PRKCH: variants seen among roughly 807,000 people sequenced by gnomAD.
PRKCH encodes the protein protein kinase C eta type.
Under a neutral mutation model 82.5 loss-of-function variants are expected in PRKCH, and 28 were observed. The ratio of observed to expected loss-of-function variants is 0.34; its 90% CI spans 0.25 to 0.47. The LOEUF (loss-of-function observed/expected upper bound fraction) is 0.47, where lower values mean the gene tolerates loss of function less well. Among genes scored for constraint, PRKCH ranks in the 20% least tolerant of loss-of-function variants. PRKCH has a pLI of 1.00. For synonymous variants in PRKCH, 322 were observed against 327.4 expected, an observed-to-expected ratio of 0.98 and a Z score of 0.18; for missense variants, 705 against 881.8, an observed-to-expected ratio of 0.80 and a Z score of 2.54.
At chr14:61,361,705 A>G (rs1306470677) in intron 1 of PRKCH, among the ~76,000 whole-genome samples, 1 of 152,230 alleles carries the variant, frequency 6.6e-6, no homozygotes, top group Non-Finnish European at 1.5e-5. Flanking sequence ...CTTAACCAGT[A>G]AAATGGGAAT....
chr14:61,256,543 A>G (rs1310945472), intron 1 of PRKCH, among the ~76,000 whole-genome samples: 1 of 152,158 alleles, frequency 6.6e-6, no homozygotes, highest in Admixed American at 6.5e-5. Context: ...GGTTAGTAGA[A>G]ATTATACTTT....
intron 2 of PRKCH, among the ~76,000 whole-genome samples, chr14:61,414,171 C>T (rs1033712744): frequency 2.0e-5 from 3 of 152,160 alleles, no homozygotes; most frequent in African/African-American, 7.2e-5. Flanking sequence ...CTGCCTGTTG[C>T]TCTCCACTCC....
At chr14:61,541,040 TCTC>T (rs764640449) in intron 12 of PRKCH, among the ~76,000 whole-genome samples, 3 of 152,216 alleles carry the variant, frequency 2.0e-5, no homozygotes, top group Non-Finnish European at 2.9e-5. Context: ...GTCACTGCCT[TCTC>T]CTATGGAAAA....
At chr14:61,379,765 C>T (rs1325810931) in intron 1 of PRKCH, among the ~76,000 whole-genome samples, 2 of 152,204 alleles carry the variant, frequency 1.3e-5, no homozygotes, top group African/African-American at 4.8e-5. Context: ...GTATATTCCC[C>T]ATCTCCAGCC....
intron 1 of PRKCH, among the ~76,000 whole-genome samples, chr14:61,213,304 A>G (rs539795179): frequency 1.2e-4 from 18 of 152,294 alleles, no homozygotes; most frequent in Admixed American, 8.5e-4. Context: ...CTTTTGGTGG[A>G]TTAACCCAAT....
intron 10 of PRKCH, among the ~76,000 whole-genome samples, chr14:61,489,881 T>C (rs2140336396): frequency 6.6e-6 from 1 of 152,344 alleles, no homozygotes; most frequent in Middle Eastern, 3.4e-3. Flanking sequence ...TCAGCTGTCA[T>C]TGACATTTCA....
chr14:61,449,706 TAA>T (rs1393014078), intron 5 of PRKCH, among the ~76,000 whole-genome samples: 1 of 152,222 alleles, frequency 6.6e-6, no homozygotes, highest in Non-Finnish European at 1.5e-5. Flanking sequence ...TCCTCAGTCT[TAA>T]AACAGGATCA....
At chr14:61,224,090 G>A (rs754240347) in intron 1 of PRKCH, among the ~76,000 whole-genome samples, 1 of 152,058 alleles carries the variant, frequency 6.6e-6, no homozygotes, top group Non-Finnish European at 1.5e-5. Context: ...GAGAAGTCTC[G>A]ATCCCACCCC....
rs901590895 is a variant in PRKCH, at chr14:61,533,858, A to C, written c.1761+3263A>C. Reference sequence around the variant, plus strand: ...TTACACTCTGCCCTTATCTCTGAAAAAGTATTTGTCATATTAGGAGGAGGG... The same window carrying C: ...TTACACTCTGCCCTTATCTCTGAAACAGTATTTGTCATATTAGGAGGAGGG... On this transcript the variant is annotated intron_variant, in intron 12 of 13. Coordinates refer to ENST00000332981, the MANE Select transcript of PRKCH (RefSeq NM_006255.5). Among the ~76,000 whole-genome samples the C allele has an allele frequency of 4.6e-5, 7 of 152,332 alleles. No homozygotes were observed. In the East Asian group the frequency reaches 1.3e-3, roughly 29 times the overall value.
chr14:61,484,729 A>T (rs981322500), intron 9 of PRKCH, among the ~76,000 whole-genome samples: 1 of 147,558 alleles, frequency 6.8e-6, no homozygotes, highest in Non-Finnish European at 1.5e-5. Flanking sequence ...GGTATTTCCA[A>T]TGTGGATGCT....
intron 1 of PRKCH, among the ~76,000 whole-genome samples, chr14:61,202,507 G>T (rs1487195634): frequency 1.3e-5 from 2 of 152,202 alleles, no homozygotes; most frequent in Non-Finnish European, 2.9e-5. Flanking sequence ...TGGTCTGCAA[G>T]GATACAGGCC....
chr14:61,458,301 G>A (rs1884872322), intron 9 of PRKCH, among the ~76,000 whole-genome samples: 1 of 152,204 alleles, frequency 6.6e-6, no homozygotes, highest in Non-Finnish European at 1.5e-5. Flanking sequence ...TAAATAGAAA[G>A]GATGAGTTTG....
intron 1 of PRKCH, among the ~76,000 whole-genome samples, chr14:61,294,496 C>A (rs913211682): frequency 4.0e-5 from 6 of 151,682 alleles, no homozygotes; most frequent in African/African-American, 1.5e-4. Flanking sequence ...TATTTATGTT[C>A]TGATTCTTTA....
intron 10 of PRKCH, among the ~76,000 whole-genome samples, chr14:61,495,966 T>G (rs1284019958): frequency 6.6e-6 from 1 of 152,184 alleles, no homozygotes; most frequent in Non-Finnish European, 1.5e-5. Context: ...ATAAGGGACA[T>G]TTGAGCAGAT....
At chr14:61,272,508 C>A (rs1479076829) in intron 1 of PRKCH, among the ~76,000 whole-genome samples, 1 of 151,686 alleles carries the variant, frequency 6.6e-6, no homozygotes, top group Non-Finnish European at 1.5e-5. Context: ...CACACGCCAC[C>A]ACGGCCGGCT....
chr14:61,195,815 C>A (rs924220989), intron 1 of PRKCH, among the ~76,000 whole-genome samples: 3 of 152,058 alleles, frequency 2.0e-5, no homozygotes, highest in Non-Finnish European at 1.5e-5. Flanking sequence ...GAGCAAACTT[C>A]TGGTGTCTCT....
chr14:61,456,706 T>G (rs1400973118), intron 7 of PRKCH: 1 of 153,220 alleles, frequency 6.5e-6, no homozygotes, highest in Non-Finnish European at 1.5e-5. Context: ...TGGACTTTTA[T>G]TTCTCCTATA....
At chr14:61,242,720 C>T (rs114747852) in intron 1 of PRKCH, among the ~76,000 whole-genome samples, 2,232 of 152,214 alleles carry the variant, frequency 0.015, 19 homozygotes, top group Middle Eastern at 0.037. Context: ...TTAAAGGCCA[C>T]TAGGAAACAA....
chr14:61,256,444 T>C (rs532649529), intron 1 of PRKCH, among the ~76,000 whole-genome samples: 1 of 152,302 alleles, frequency 6.6e-6, no homozygotes, highest in African/African-American at 2.4e-5. Context: ...GTCATAGCTT[T>C]GGTTCCATCT....
Sources: gnomAD v4.1 joint callset for allele counts (sites outside exome capture counted in the v4.1 genomes callset) on GRCh38, gnomAD v4.1.1 for gene constraint, MANE v1.5 for transcripts, NCBI Gene and HGNC (gene_info 2026-07-23, HGNC 2026-07-21) for gene names.